DPP10: variants seen among roughly 807,000 people sequenced by gnomAD.
DPP10 encodes the protein dipeptidyl peptidase like 10.
A neutral mutation model predicts 120.9 loss-of-function variants in DPP10; 33 were observed. The ratio of observed to expected loss-of-function variants is 0.27; its 90% CI spans 0.21 to 0.37. The LOEUF is 0.37. Among genes scored for constraint, DPP10 ranks in the 10% least tolerant of loss-of-function variants. The pLI, the probability that DPP10 is intolerant of heterozygous loss-of-function variation, is 1.00. For synonymous variants in DPP10, 337 were observed against 326.1 expected (o/e 1.03, Z -0.36); for missense variants, 816 against 942.8 (o/e 0.87, Z 1.76).
chr2:115,177,444 A>G (rs1361731075), intron 1 of DPP10, among the ~76,000 whole-genome samples: 1 of 152,018 alleles, frequency 6.6e-6, no homozygotes, highest in Non-Finnish European at 1.5e-5. Flanking sequence ...TATTTTTTTC[A>G]CTTCCAATTT....
At chr2:115,368,104 T>C (rs1044167742) in intron 3 of DPP10, among the ~76,000 whole-genome samples, 1 of 152,192 alleles carries the variant, frequency 6.6e-6, no homozygotes, top group Non-Finnish European at 1.5e-5. Flanking sequence ...AAGGTTTACC[T>C]GAACTCCTTA....
rs565322387 is a variant in DPP10 at position 114,486,873 on chromosome 2, T to A, written c.60+44035T>A. ...ATTCAAATAAAATGCTGGTTTAACA[T>A]AACCAATCAACCATTTCAATCTCCC... On this transcript the variant is annotated intron_variant, in intron 1 of 25. Transcript: ENST00000410059. Among the ~76,000 whole-genome samples the A allele has an allele frequency of 1.5e-3, 221 of 152,320 alleles. 1 individual carries two copies. The highest frequency in any genetic ancestry group is 1.5e-3 in the Non-Finnish European group (99 of 68,012).
At chr2:114,688,317 A>T (rs1238748729) in intron 1 of DPP10, among the ~76,000 whole-genome samples, 1 of 151,946 alleles carries the variant, frequency 6.6e-6, no homozygotes, top group African/African-American at 2.4e-5. Flanking sequence ...AAAATCTATA[A>T]TGCAATTCTG....
At chr2:115,146,199 G>A (rs980489351) in intron 1 of DPP10, among the ~76,000 whole-genome samples, 3 of 151,932 alleles carry the variant, frequency 2.0e-5, no homozygotes, top group African/African-American at 4.8e-5. Context: ...GTGTGATCCC[G>A]AATCCCATAC....
intron 1 of DPP10, among the ~76,000 whole-genome samples, chr2:114,687,513 A>T (rs773431086): frequency 2.6e-5 from 4 of 151,964 alleles, no homozygotes; most frequent in Non-Finnish European, 5.9e-5. Flanking sequence ...GTAAACTTTA[A>T]ATCTGAACCC....
chr2:115,182,923 A>G (rs1253040662), intron 1 of DPP10, among the ~76,000 whole-genome samples: 1 of 152,114 alleles, frequency 6.6e-6, no homozygotes, highest in African/African-American at 2.4e-5. Context: ...ACTTAGCTCC[A>G]CTACCTGAGA....
rs1379218031 is a variant in DPP10 at position 115,766,326 on chromosome 2, G to GTGTGTA, written c.1114-1970_1114-1969insGTGTAT. Among the ~76,000 whole-genome samples, 223 of 50,206 alleles carry GTGTGTA rather than the reference G, an allele frequency of 4.4e-3. 6 individuals carry two copies. The highest frequency in any genetic ancestry group is 0.034 in the East Asian group (39 of 1,142). The allele number at this position is 50,206 out of a possible 152,430, so 32.9% of individuals were successfully genotyped here. ...TGTGTGTGTGTATATATATATATAT[G>GTGTGTA]TATATATATATGTATATATATATAT... On this transcript the variant is annotated intron_variant, in intron 12 of 25. Coordinates refer to ENST00000410059, the MANE Select transcript of DPP10 (RefSeq NM_020868.6).
At chr2:115,693,173 A>G (rs1328577342) in intron 7 of DPP10, among the ~76,000 whole-genome samples, 1 of 152,242 alleles carries the variant, frequency 6.6e-6, no homozygotes, top group African/African-American at 2.4e-5. Flanking sequence ...AATGCATTTA[A>G]TCTACCATCA....
intron 1 of DPP10, among the ~76,000 whole-genome samples, chr2:114,506,944 A>C (rs1683715351): frequency 6.6e-6 from 1 of 152,200 alleles, no homozygotes; most frequent in South Asian, 2.1e-4. Flanking sequence ...CTGATCTACA[A>C]AGTAGCCCTC....
chr2:115,246,592 G>C lies in DPP10; in HGVS notation c.61-62647G>C, dbSNP rs1020568686. Among the ~76,000 whole-genome samples, 5 of 152,074 alleles carry C rather than the reference G, an allele frequency of 3.3e-5. No homozygotes were observed. The East Asian group carries it at 9.7e-4, about 29-fold the overall frequency. On this transcript the variant is annotated intron_variant, in intron 1 of 25. Transcript: ENST00000410059. ...GTTTATTGTAGCATCTGGGCGAAGT[G>C]TGAAGAGAAACAGATGAGCAGTGTG...
intron 2 of DPP10, among the ~76,000 whole-genome samples, chr2:115,333,216 G>A (rs181480756): frequency 1.3e-5 from 2 of 152,080 alleles, no homozygotes; most frequent in Admixed American, 6.6e-5. Context: ...TTGGTTTAAA[G>A]TCTGTTTTAT....
chr2:114,513,521 C>CAAAA (rs10712243), intron 1 of DPP10, among the ~76,000 whole-genome samples: 19 of 74,960 alleles, frequency 2.5e-4, no homozygotes, highest in Middle Eastern at 9.6e-3. Context: ...AACTCTACCT[C>CAAAA]AAAAAAAAAA....
chr2:115,828,069 G>A (rs1688557060), intron 21 of DPP10, among the ~76,000 whole-genome samples: 1 of 151,656 alleles, frequency 6.6e-6, no homozygotes, highest in Non-Finnish European at 1.5e-5. Flanking sequence ...TTGTACTCCA[G>A]GTGTGCAAGT....
intron 1 of DPP10, among the ~76,000 whole-genome samples, chr2:114,566,873 A>G (rs1245478235): frequency 3.3e-5 from 5 of 152,226 alleles, no homozygotes; most frequent in Admixed American, 3.3e-4. Flanking sequence ...TTAGATTTGT[A>G]AGATCCCTCC....
At chr2:114,456,614 A>G (rs147908586) in intron 1 of DPP10, among the ~76,000 whole-genome samples, 33 of 152,356 alleles carry the variant, frequency 2.2e-4, no homozygotes, top group Non-Finnish European at 2.4e-4. Context: ...TTGTTGAATA[A>G]AAATAGCAGT....
In DPP10 at chr2:115,388,538, CT is replaced by C. The variant is rs150572105; in HGVS notation, c.271+44628del. ...GAAGAGGGATGGATTTGGAATGCTG[CT>C]TGGACAAATACTTCCTGGCCCTCTA... On this transcript the variant is annotated intron_variant, in intron 3 of 25. Transcript: ENST00000410059. Among the ~76,000 whole-genome samples the C allele has an allele frequency of 5.0e-3, 754 of 152,294 alleles. 4 individuals carry two copies. The highest frequency in any genetic ancestry group is 8.7e-3 in the Non-Finnish European group (594 of 68,042).
At chr2:115,072,948 A>G (rs1707489093) in intron 1 of DPP10, among the ~76,000 whole-genome samples, 1 of 151,972 alleles carries the variant, frequency 6.6e-6, no homozygotes. Flanking sequence ...ATACCCAGCT[A>G]ATTTTTGCAT....
At chr2:115,052,564 A>C (rs1373101330) in intron 1 of DPP10, among the ~76,000 whole-genome samples, 1 of 152,228 alleles carries the variant, frequency 6.6e-6, no homozygotes, top group Non-Finnish European at 1.5e-5. Context: ...AACAGCAAGC[A>C]CTTGAAAAGA....
At chr2:115,324,731 A>G (rs768052117) in intron 2 of DPP10, among the ~76,000 whole-genome samples, 15 of 152,156 alleles carry the variant, frequency 9.9e-5, no homozygotes, top group Non-Finnish European at 2.1e-4. Context: ...TTTTGTGGCT[A>G]ACTGTTGGGA....
Sources: gnomAD v4.1 joint callset for allele counts (sites outside exome capture counted in the v4.1 genomes callset) on GRCh38, gnomAD v4.1.1 for gene constraint, MANE v1.5 for transcripts, NCBI Gene and HGNC (gene_info 2026-07-23, HGNC 2026-07-21) for gene names.